STAT2: variants seen among roughly 807,000 people sequenced by gnomAD.
STAT2 encodes interferon alpha induced transcriptional activator.
Under a neutral mutation model 122.3 loss-of-function variants are expected in STAT2, and 51 were observed. The ratio of observed to expected loss-of-function variants is 0.42; its 90% CI spans 0.33 to 0.53. The LOEUF (loss-of-function observed/expected upper bound fraction) is 0.53. STAT2 is among the 20% of genes least tolerant of loss of function. The probability of loss-of-function intolerance (pLI) is 0.10; values close to 1 mark genes in which losing one functional copy is unlikely to be tolerated. For synonymous variants in STAT2, 351 were observed against 394.9 expected, an observed-to-expected ratio of 0.89 and a Z score of 1.32; for missense variants, 736 against 1,010.3, an observed-to-expected ratio of 0.73 and a Z score of 3.68.
In STAT2 at chr12:56,355,368, A is replaced by T; in HGVS notation, c.472-17T>A. 1 of 1,613,974 alleles carries T rather than the reference A, an allele frequency of 6.2e-7. No homozygotes were observed. Among genetic ancestry groups the T allele is most frequent in the Non-Finnish European group, 8.5e-7 (1 of 1,179,984 alleles). Reference sequence around the variant, plus strand: ...TACCAGCTTCTGCAGAGGGGAGAGGACCCCGATGAGGCTGCTTCTCAGGGA... The same window carrying T: ...TACCAGCTTCTGCAGAGGGGAGAGGTCCCCGATGAGGCTGCTTCTCAGGGA... On this transcript the variant is annotated splice_polypyrimidine_tract_variant and intron_variant, in intron 5 of 23. Coordinates refer to ENST00000314128, the MANE Select transcript of STAT2 (RefSeq NM_005419.4).
At chr12:56,359,157 T>C (rs1879983888) in intron 1 of STAT2, among the ~76,000 whole-genome samples, 1 of 152,130 alleles carries the variant, frequency 6.6e-6, no homozygotes. Flanking sequence ...CCTTTCTACC[T>C]CCAGCAGGAA....
At position 56,341,789 on chromosome 12, in the gene STAT2, G is replaced by A. The variant is rs1030691273; in HGVS notation, c.*1600C>T. ...CCTGGGGTTCCCTGGGAATAGCTAA[G>A]GTGTGAGATTGTCCAGAGTCCTATG... On this transcript the variant is annotated 3_prime_UTR_variant, in exon 24 of 24. Transcript: ENST00000314128. The A allele has an allele frequency of 6.6e-6, 1 of 152,232 alleles. No homozygotes were observed. The highest frequency in any genetic ancestry group is 2.4e-5 in the African/African-American group (1 of 41,462). The allele number at this position is 152,232 out of a possible 1,614,324, so 9.4% of individuals were successfully genotyped here.
At chr12:56,352,032 AC>A (rs1878571922) in intron 8 of STAT2, among the ~76,000 whole-genome samples, 1 of 152,038 alleles carries the variant, frequency 6.6e-6, no homozygotes, top group African/African-American at 2.4e-5. Flanking sequence ...AGCTGGGATT[AC>A]AGGTATGTGC....
chr12:56,343,143 C>T lies in STAT2; in HGVS notation c.*246G>A. 1 of 462,152 alleles carries T rather than the reference C, an allele frequency of 2.2e-6. No individual in the cohort carries two copies. The highest frequency in any genetic ancestry group is 3.7e-6 in the Non-Finnish European group (1 of 271,320). 28.6% of individuals were successfully genotyped at this position (462,152 alleles called of 1,614,324 possible). On this transcript the variant is annotated 3_prime_UTR_variant, in exon 24 of 24. Transcript: ENST00000314128. ...CCCAGGACCCCTATACCTCCCAGCACAGCAGGCAGCCTCCAGGATCCTATT... is the reference window on the plus strand; with the variant it reads ...CCCAGGACCCCTATACCTCCCAGCATAGCAGGCAGCCTCCAGGATCCTATT...
rs746193599 is a variant in STAT2 at position 56,343,343 on chromosome 12, A to G, written c.*46T>C. 2 of 1,592,176 alleles carry G rather than the reference A, an allele frequency of 1.3e-6. No individual in the cohort carries two copies. The highest frequency in any genetic ancestry group is 2.2e-5 in the East Asian group (1 of 44,528). On this transcript the variant is annotated 3_prime_UTR_variant, in exon 24 of 24. Transcript: ENST00000314128. ...TGGAGAACAATATCATGCTATGAGG[A>G]GTAGGAAGGGCAAGAGATATGAAAA...
At chr12:56,344,196 G>A in intron 22 of STAT2, 61 bp from the exon 23 acceptor site, 1 of 1,505,088 alleles carries the variant, frequency 6.6e-7, no homozygotes, top group Non-Finnish European at 8.9e-7. Flanking sequence ...ATCAGGAATG[G>A]TAGAATAAGC....
At position 56,350,396 on chromosome 12, in the gene STAT2, CT is replaced by C; in HGVS notation, c.1115+15del. The C allele has an allele frequency of 8.1e-6, 13 of 1,604,404 alleles. No homozygotes were observed. Among genetic ancestry groups the C allele is most frequent in the Non-Finnish European group, 1.1e-5 (13 of 1,176,472 alleles). On this transcript the variant is annotated intron_variant, in intron 12 of 23. Transcript: ENST00000314128. ...ACACTGTACAGATGTTTGCAGTGTC[CT>C]TGTCAAGCACCTACCCTTGTAATTG...
intron 8 of STAT2, among the ~76,000 whole-genome samples, chr12:56,353,149 A>C (rs1878815862): frequency 6.6e-6 from 1 of 152,050 alleles, no homozygotes. Context: ...ACACCTGGCA[A>C]ATTTTTGTAT....
chr12:56,356,639 T>C, intron 1 of STAT2, 61 bp from the exon 2 acceptor site: 1 of 1,567,074 alleles, frequency 6.4e-7, no homozygotes, highest in Non-Finnish European at 8.6e-7. Flanking sequence ...CATCCATAGT[T>C]TCATGATTGT....
At chr12:56,358,967 C>T (rs1482866760) in intron 1 of STAT2, among the ~76,000 whole-genome samples, 1 of 152,216 alleles carries the variant, frequency 6.6e-6, no homozygotes, top group Non-Finnish European at 1.5e-5. Context: ...CCACTGTTCC[C>T]TGCTCACTGC....
chr12:56,342,604 C>G lies in STAT2; in HGVS notation c.*785G>C, dbSNP rs1030126955. 2 of 152,368 alleles carry G rather than the reference C, an allele frequency of 1.3e-5. No individual in the cohort carries two copies. The highest frequency in any genetic ancestry group is 2.9e-5 in the Non-Finnish European group (2 of 68,304). The allele number at this position is 152,368 out of a possible 1,614,324, so 9.4% of individuals were successfully genotyped here. A position where few individuals can be genotyped will look rare whatever the true frequency, so the allele number is the denominator to read the frequency against. ...GACCCTGTTTAAAAAAAAAAAAATC[C>G]CCAGCAATCCTACCATCCCCAGCCT... On this transcript the variant is annotated 3_prime_UTR_variant, in exon 24 of 24. Transcript: ENST00000314128.
intron 8 of STAT2, chr12:56,352,584 C>CTCAATCAA (rs536071479): frequency 8.2e-5 from 12 of 145,808 alleles, no homozygotes; most frequent in South Asian, 4.2e-4. Context: ...GAGACCCTGT[C>CTCAATCAA]TCAATCAATC....
Position 56,342,353 on chromosome 12 carries a change from G to C in STAT2, c.*1036C>G, listed in dbSNP as rs1876711047. 6.6e-6 allele frequency: 1 copy of C among 151,292 alleles called. No homozygotes were observed. Among genetic ancestry groups the C allele is most frequent in the African/African-American group, 2.4e-5 (1 of 40,976 alleles). 9.4% of individuals were successfully genotyped at this position (151,292 alleles called of 1,614,324 possible). A position where few individuals can be genotyped will look rare whatever the true frequency, so the allele number is the denominator to read the frequency against. ...ACAGTGGCTCATGCCTATAATCCCA[G>C]CACTTTGGGAGGCCAAGGCGTGAGG... On this transcript the variant is annotated 3_prime_UTR_variant, in exon 24 of 24. Transcript: ENST00000314128.
Position 56,355,790 on chromosome 12 carries a change from T to A in STAT2, c.299A>T (p.Asp100Val), listed in dbSNP as rs774417394. The change falls in exon 4 of 24, where the codon GAT (aspartate) becomes GTT (valine). Residue 100 changes from aspartate (D) to valine (V), a missense_variant. Physicochemically the swap from Asp to Val is radical, Grantham distance 152 (BLOSUM62 -3). Coordinates refer to ENST00000314128, the MANE Select transcript of STAT2 (RefSeq NM_005419.4). ...FCRDIQPFSQ[D>V]PTQLAEMIFN... ...GATCATCTCAGCCAACTGGGTAGGA[T>A]CCTGGGAAAAGGGCTAGAATAGGTA... is the stretch of plus-strand genomic sequence containing the variant. 3 of 1,614,134 alleles carry A rather than the reference T, an allele frequency of 1.9e-6. No homozygotes were observed. Among genetic ancestry groups the A allele is most frequent in the South Asian group, 1.1e-5 (1 of 91,080 alleles).
chr12:56,354,016 A>AAAAAAAATATATAT (rs71081350), intron 8 of STAT2, among the ~76,000 whole-genome samples: 1 of 16,678 alleles, frequency 6.0e-5, no homozygotes, highest in Admixed American at 1.4e-3. Flanking sequence ...AAAAAAAAAA[A>AAAAAAAATATATAT]ATATATATAT....
Position 56,351,127 on chromosome 12 carries a change from C to T in STAT2, c.1005G>A (p.Lys335=). 1 of 1,614,012 alleles carries T rather than the reference C, an allele frequency of 6.2e-7. No individual in the cohort carries two copies. The highest frequency in any genetic ancestry group is 8.5e-7 in the Non-Finnish European group (1 of 1,179,988). The part of the protein sequence containing the change: ...PQTPHRPLIL[K]TGSKFTVRTR... The stretch of plus-strand genomic sequence containing the variant: ...TTCGGACGGTGAACTTGCTGCCAGT[C>T]TTGAGGATGAGGGGTCGATGGGGAG... Residue 335 remains lysine (K), a synonymous_variant, in exon 10 of 24, where the codon AAG becomes AAA. Transcript: ENST00000314128.
In STAT2 at chr12:56,356,139, T is replaced by C; in HGVS notation, c.278A>G (p.Asp93Gly). ...LQHNLRKFCR[D>G]IQPFSQDPTQ... is the part of the protein sequence containing the mutation. The stretch of plus-strand genomic sequence containing the variant: ...CCCAACCGTTCCAAGTACCTGAATG[T>C]CCCGGCAGAATTTCCGCAAATTGTG... The change falls in exon 3 of 24, where the codon GAC (aspartate) becomes GGC (glycine). Residue 93 changes from aspartate to glycine, a missense_variant. Asp to Gly is a moderately conservative substitution (Grantham distance 94). Transcript: ENST00000314128. The C allele has an allele frequency of 1.2e-6, 2 of 1,613,842 alleles. No homozygotes were observed. The highest frequency in any genetic ancestry group is 1.7e-6 in the Non-Finnish European group (2 of 1,179,822).
intron 2 of STAT2, 52 bp from the exon 3 acceptor site, chr12:56,356,337 C>T (rs1592491044): frequency 2.5e-6 from 4 of 1,605,848 alleles, no homozygotes; most frequent in Non-Finnish European, 3.4e-6. Flanking sequence ...TACTGTAGTC[C>T]TGAGGCTTTC....
rs561647797 is a variant in STAT2, at chr12:56,351,537, A to C, written c.783-87T>G. The C allele has an allele frequency of 7.6e-6, 11 of 1,447,054 alleles. No homozygotes were observed. In the African/African-American group the frequency reaches 1.4e-4, roughly 19 times the overall value. 89.6% of individuals were successfully genotyped at this position (1,447,054 alleles called of 1,614,324 possible). A position where few individuals can be genotyped will look rare whatever the true frequency, so the allele number is the denominator to read the frequency against. On this transcript the variant is annotated intron_variant, in intron 8 of 23. Coordinates refer to ENST00000314128, the MANE Select transcript of STAT2 (RefSeq NM_005419.4). Reference sequence around the variant, plus strand: ...CCAAGATCTCTCTGTAAATATGTGAAGAGTCAGAAACTGACTGGGGGGAAG... The same window carrying C: ...CCAAGATCTCTCTGTAAATATGTGACGAGTCAGAAACTGACTGGGGGGAAG...
Sources: gnomAD v4.1 joint callset for allele counts (sites outside exome capture counted in the v4.1 genomes callset) on GRCh38, gnomAD v4.1.1 for gene constraint, MANE v1.5 for transcripts, NCBI Gene and HGNC (gene_info 2026-07-23, HGNC 2026-07-21) for gene names.